The following AGBL4 variants were observed in gnomAD, a reference collection of about 807,000 sequenced individuals.
The protein encoded by AGBL4 is cytosolic carboxypeptidase 6.
Under a neutral mutation model 66.4 loss-of-function variants are expected in AGBL4, and 58 were observed. That is an observed-to-expected ratio of 0.87 (90% confidence interval 0.71 to 1.09). AGBL4 has a LOEUF of 1.09. Ranked by LOEUF, AGBL4 falls within the 50% of genes least tolerant of loss-of-function variation. AGBL4 has a pLI of 0.00. For synonymous variants in AGBL4, 234 were observed against 222.9 expected (o/e 1.05, Z -0.44); for missense variants, 579 against 631.0 (o/e 0.92, Z 0.88).
intron 4 of AGBL4, among the ~76,000 whole-genome samples, chr1:49,211,967 A>G (rs1648703271): frequency 6.6e-6 from 1 of 152,088 alleles, no homozygotes. Flanking sequence ...GTATTATCAC[A>G]TGTGATGTCA....
At chr1:49,025,575 T>C (rs991195083) in intron 5 of AGBL4, 3 of 152,094 alleles carry the variant, frequency 2.0e-5, no homozygotes, top group African/African-American at 7.2e-5. Flanking sequence ...ATAAAAGAAA[T>C]TGCCTTGTGA....
chr1:49,120,836 G>A (rs1009109004), intron 4 of AGBL4, among the ~76,000 whole-genome samples: 3 of 152,090 alleles, frequency 2.0e-5, no homozygotes, highest in Non-Finnish European at 4.4e-5. Flanking sequence ...TCACTTTCAG[G>A]TTCACCAATC....
intron 5 of AGBL4, among the ~76,000 whole-genome samples, chr1:48,970,815 G>A (rs555426145): frequency 6.6e-6 from 1 of 152,054 alleles, no homozygotes; most frequent in Non-Finnish European, 1.5e-5. Context: ...TGCTACTTCC[G>A]GCAGAAAGGC....
intron 3 of AGBL4, among the ~76,000 whole-genome samples, chr1:49,608,582 G>A (rs1217406731): frequency 6.6e-6 from 1 of 151,798 alleles, no homozygotes; most frequent in East Asian, 2.0e-4. Flanking sequence ...AAAGAGGAAG[G>A]CATTATGAAT....
At position 49,260,578 on chromosome 1, in the gene AGBL4, G is replaced by A. The variant is rs565467644; in HGVS notation, c.283-14714C>T. On this transcript the variant is annotated intron_variant, in intron 3 of 13. Transcript: ENST00000371839. ...TCTAGAAGAAATGGATAAATTCCTC[G>A]ACACATACACCCTCCCAAGACTAAA... Among the ~76,000 whole-genome samples, 9 of 152,074 alleles carry A rather than the reference G, an allele frequency of 5.9e-5. No homozygotes were observed. The South Asian group carries it at 1.5e-3, about 25-fold the overall frequency.
chr1:48,989,682 C>G (rs2148976243), intron 5 of AGBL4, among the ~76,000 whole-genome samples: 1 of 152,256 alleles, frequency 6.6e-6, no homozygotes, highest in East Asian at 1.9e-4. Context: ...CAAGTTCTAT[C>G]CATGTTGTTG....
intron 6 of AGBL4, among the ~76,000 whole-genome samples, chr1:48,782,104 T>C (rs1645309219): frequency 6.6e-6 from 1 of 152,176 alleles, no homozygotes; most frequent in Admixed American, 6.5e-5. Context: ...TTTAGACAGT[T>C]TGCTCTAGAA....
chr1:49,627,791 G>A (rs1248852681), intron 3 of AGBL4, among the ~76,000 whole-genome samples: 4 of 152,160 alleles, frequency 2.6e-5, no homozygotes, highest in South Asian at 2.1e-4. Context: ...AAGGCAATAG[G>A]TGAAAGCTAG....
At position 49,260,654 on chromosome 1, in the gene AGBL4, T is replaced by A. The variant is rs1020096915; in HGVS notation, c.283-14790A>T. Among the ~76,000 whole-genome samples, 19 of 152,180 alleles carry A rather than the reference T, an allele frequency of 1.2e-4. No individual in the cohort carries two copies. In the South Asian group the frequency reaches 2.9e-3, roughly 23 times the overall value. ...AGACCAATAACAGGCTCTGAAATTGTGGCAAAAATCAATAACTTACCAACC... is the reference window on the plus strand; with the variant it reads ...AGACCAATAACAGGCTCTGAAATTGAGGCAAAAATCAATAACTTACCAACC... On this transcript the variant is annotated intron_variant, in intron 3 of 13. Transcript: ENST00000371839.
intron 4 of AGBL4, among the ~76,000 whole-genome samples, chr1:49,167,028 G>A (rs1442958555): frequency 6.6e-6 from 1 of 152,136 alleles, no homozygotes; most frequent in African/African-American, 2.4e-5. Flanking sequence ...GTGGTTTCTT[G>A]TAGAGCTTCT....
chr1:50,004,104 G>A (rs564837695), intron 1 of AGBL4, among the ~76,000 whole-genome samples: 34 of 152,308 alleles, frequency 2.2e-4, no homozygotes, highest in African/African-American at 8.2e-4. Flanking sequence ...ACATGGCACA[G>A]AAAAAGAATC....
chr1:49,714,275 T>C (rs968100624), intron 2 of AGBL4, among the ~76,000 whole-genome samples: 1 of 151,862 alleles, frequency 6.6e-6, no homozygotes, highest in African/African-American at 2.4e-5. Flanking sequence ...AGGGATGAAG[T>C]CTGGATTTTC....
At chr1:49,121,402 C>A (rs1023171949) in intron 4 of AGBL4, among the ~76,000 whole-genome samples, 4 of 152,088 alleles carry the variant, frequency 2.6e-5, no homozygotes, top group South Asian at 2.1e-4. Flanking sequence ...GTTGTAGATG[C>A]CTTTTTTGTT....
chr1:49,100,626 G>A (rs1557640987), intron 4 of AGBL4, among the ~76,000 whole-genome samples: 1 of 152,144 alleles, frequency 6.6e-6, no homozygotes, highest in Non-Finnish European at 1.5e-5. Context: ...CCTGAAGGCT[G>A]CATGCCTAGG....
chr1:48,626,557 C>A (rs1645505955), intron 9 of AGBL4, among the ~76,000 whole-genome samples: 1 of 152,222 alleles, frequency 6.6e-6, no homozygotes, highest in Non-Finnish European at 1.5e-5. Flanking sequence ...CTCTATCTGG[C>A]ACAGAAAGCT....
intron 1 of AGBL4, among the ~76,000 whole-genome samples, chr1:49,935,408 C>G (rs1235448387): frequency 2.0e-5 from 3 of 152,188 alleles, no homozygotes; most frequent in African/African-American, 7.2e-5. Flanking sequence ...GGGGGCAGGG[C>G]ACAGACAAAC....
intron 9 of AGBL4, among the ~76,000 whole-genome samples, chr1:48,618,001 C>T (rs1040485674): frequency 6.6e-6 from 1 of 152,148 alleles, no homozygotes; most frequent in African/African-American, 2.4e-5. Flanking sequence ...GTCAGAAGAA[C>T]CGAGATTCAA....
intron 2 of AGBL4, among the ~76,000 whole-genome samples, chr1:49,735,334 TA>T (rs1242371105): frequency 5.0e-5 from 7 of 138,982 alleles, no homozygotes; most frequent in African/African-American, 1.6e-4. Flanking sequence ...TGTGTGTGTG[TA>T]GAGAGAGAGA....
intron 12 of AGBL4, among the ~76,000 whole-genome samples, chr1:48,538,868 AT>A (rs1644015315): frequency 6.6e-6 from 1 of 152,194 alleles, no homozygotes; most frequent in African/African-American, 2.4e-5. Context: ...GGAGTTGGGC[AT>A]TGTCATGTCC....
Sources: allele counts gnomAD v4.1 joint callset (sites outside exome capture counted in the v4.1 genomes callset), GRCh38; gene constraint gnomAD v4.1.1; transcripts MANE v1.5; gene names NCBI Gene and HGNC (gene_info 2026-07-23, HGNC 2026-07-21).